The following TNFAIP8L3 variants were observed in gnomAD, a reference collection of about 807,000 sequenced individuals.
The protein encoded by TNFAIP8L3 is TNF alpha induced protein 8 like 3, also known as tumor necrosis factor alpha-induced protein 8-like protein 3.
Under a neutral mutation model 11.8 loss-of-function variants are expected in TNFAIP8L3, and 7 were observed. The ratio of observed to expected loss-of-function variants is 0.59; its 90% CI spans 0.34 to 1.11. The LOEUF (loss-of-function observed/expected upper bound fraction) is 1.11, where lower values mean the gene tolerates loss of function less well. Ranked by LOEUF, TNFAIP8L3 falls within the 50% of genes most tolerant of loss-of-function variation. TNFAIP8L3 has a pLI of 0.03. For synonymous variants in TNFAIP8L3, 98 were observed against 103.8 expected (o/e 0.94, Z 0.34); for missense variants, 219 against 258.6 (o/e 0.85, Z 1.05).
intron 1 of TNFAIP8L3, among the ~76,000 whole-genome samples, chr15:51,073,901 A>G (rs534902597): frequency 1.1e-4 from 16 of 152,338 alleles, no homozygotes; most frequent in African/African-American, 3.4e-4. Flanking sequence ...TTAGCAAACA[A>G]TTTCTTTGTA....
chr15:51,059,923 C>T (rs1002887327), intron 1 of TNFAIP8L3, among the ~76,000 whole-genome samples: 5 of 152,216 alleles, frequency 3.3e-5, no homozygotes, highest in African/African-American at 4.8e-5. Flanking sequence ...CAGCGAGCAC[C>T]AGGGGCCTTC....
At chr15:51,103,640 T>G (rs2065569195) in intron 1 of TNFAIP8L3, among the ~76,000 whole-genome samples, 1 of 152,224 alleles carries the variant, frequency 6.6e-6, no homozygotes, top group African/African-American at 2.4e-5. Context: ...ACAGACACAT[T>G]GACACCATAT....
chr15:51,058,223 G>C lies in TNFAIP8L3; in HGVS notation c.273C>G (p.Leu91=). The change falls in exon 2 of 2, where the codon CTC becomes CTG. Residue 91 remains leucine, a synonymous_variant. Transcript: ENST00000637513. ...LIKVAIKIGI[L]YRNNQFSQEE... is the part of the protein sequence containing the mutation. The stretch of plus-strand genomic sequence containing the variant: ...CTTGGCTAAACTGGTTGTTCCGGTA[G>C]AGGATCCCGATTTTGATCGCCACCT... 4 of 1,614,216 alleles carry C rather than the reference G, an allele frequency of 2.5e-6. No individual in the cohort carries two copies. Among genetic ancestry groups the C allele is most frequent in the Non-Finnish European group, 3.4e-6 (4 of 1,180,046 alleles).
At position 51,058,210 on chromosome 15, in the gene TNFAIP8L3, G is replaced by C. The variant is rs767005306; in HGVS notation, c.286C>G (p.Gln96Glu). 4 of 1,614,174 alleles carry C rather than the reference G, an allele frequency of 2.5e-6. No homozygotes were observed. Among genetic ancestry groups the C allele is most frequent in the Non-Finnish European group, 3.4e-6 (4 of 1,180,034 alleles). ...IKIGILYRNN[Q>E]FSQEELVIVE... is the part of the protein sequence containing the mutation. ...ATAACCAGCTCCTCTTGGCTAAACT[G>C]GTTGTTCCGGTAGAGGATCCCGATT... The change falls in exon 2 of 2, where the codon CAG (glutamine) becomes GAG (glutamate). Residue 96 changes from glutamine to glutamate, a missense_variant. Coordinates refer to ENST00000637513, the MANE Select transcript of TNFAIP8L3 (RefSeq NM_001311175.2).
chr15:51,075,885 TAAC>T (rs1193286713), intron 1 of TNFAIP8L3, among the ~76,000 whole-genome samples: 8 of 152,208 alleles, frequency 5.3e-5, no homozygotes, highest in Admixed American at 1.3e-4. Flanking sequence ...TTAGTGAGCT[TAAC>T]AACAACTAGA....
intron 1 of TNFAIP8L3, among the ~76,000 whole-genome samples, chr15:51,070,919 C>T (rs1482457801): frequency 2.7e-5 from 4 of 147,944 alleles, no homozygotes; most frequent in South Asian, 4.3e-4. Context: ...GGCGTAGTGG[C>T]GGGCGCCTGT....
intron 1 of TNFAIP8L3, among the ~76,000 whole-genome samples, chr15:51,091,883 C>T (rs1187816729): frequency 2.0e-5 from 3 of 152,224 alleles, no homozygotes; most frequent in African/African-American, 7.2e-5. Flanking sequence ...AGTATTCTTA[C>T]AACAAATAAT....
chr15:51,085,075 T>A (rs916119634), intron 1 of TNFAIP8L3, among the ~76,000 whole-genome samples: 13 of 152,198 alleles, frequency 8.5e-5, no homozygotes, highest in African/African-American at 2.7e-4. Context: ...CTCTAAAAGT[T>A]GACCCTGTAT....
chr15:51,075,522 C>T (rs895030975), intron 1 of TNFAIP8L3, among the ~76,000 whole-genome samples: 2 of 152,216 alleles, frequency 1.3e-5, no homozygotes, highest in African/African-American at 2.4e-5. Context: ...AATCCTCTCT[C>T]TCTCTGCTGG....
chr15:51,104,896 C>T (rs548822130), intron 1 of TNFAIP8L3: 4 of 1,342,738 alleles, frequency 3.0e-6, no homozygotes, highest in African/African-American at 2.9e-5. Flanking sequence ...TGTGCTGGCC[C>T]TCTTCAGATG....
At chr15:51,098,736 A>C (rs2065530220), upstream of TNFAIP8L3, among the ~76,000 whole-genome samples, 1 of 152,252 alleles carries the variant, frequency 6.6e-6, no homozygotes, top group South Asian at 2.1e-4. Flanking sequence ...TCTTTTGAGA[A>C]GTTTCCTTCT....
chr15:51,066,584 G>A (rs1442669884), intron 1 of TNFAIP8L3, among the ~76,000 whole-genome samples: 2 of 152,162 alleles, frequency 1.3e-5, no homozygotes, highest in Non-Finnish European at 2.9e-5. Flanking sequence ...GGTCAGGAGC[G>A]AGTGGTGAGA....
intron 1 of TNFAIP8L3, among the ~76,000 whole-genome samples, chr15:51,068,909 G>C (rs573504962): frequency 1.3e-5 from 2 of 151,864 alleles, no homozygotes; most frequent in Non-Finnish European, 2.9e-5. Context: ...CTCATGATCC[G>C]CCCCCTCGGC....
chr15:51,105,010 C>G, exon 1 of TNFAIP8L3: 3 of 1,614,154 alleles, frequency 1.9e-6, no homozygotes, highest in Non-Finnish European at 2.5e-6. Context: ...CTGACCAAGT[C>G]CCTTTCCCCT....
chr15:51,064,709 T>G (rs1383148681), intron 1 of TNFAIP8L3: 1 of 152,202 alleles, frequency 6.6e-6, no homozygotes, highest in Non-Finnish European at 1.5e-5. Flanking sequence ...CAGTCCCATT[T>G]GCAAGACTTT....
chr15:51,062,433 T>A (rs1259891464), intron 1 of TNFAIP8L3, among the ~76,000 whole-genome samples: 1 of 152,196 alleles, frequency 6.6e-6, no homozygotes, highest in East Asian at 1.9e-4. Flanking sequence ...CACCATGCCT[T>A]GACCTTAGGT....
intron 1 of TNFAIP8L3, among the ~76,000 whole-genome samples, chr15:51,077,011 C>T (rs1169151283): frequency 2.6e-5 from 4 of 152,188 alleles, no homozygotes; most frequent in Non-Finnish European, 5.9e-5. Flanking sequence ...TCTACTCCCG[C>T]CATTCTTCGT....
intron 1 of TNFAIP8L3, among the ~76,000 whole-genome samples, chr15:51,064,001 A>G (rs544599770): frequency 3.3e-5 from 5 of 152,202 alleles, no homozygotes; most frequent in Admixed American, 6.5e-5. Flanking sequence ...ATTTACCTGC[A>G]AGTAATTTGG....
At chr15:51,086,168 G>A in intron 1 of TNFAIP8L3, among the ~76,000 whole-genome samples, 1 of 152,176 alleles carries the variant, frequency 6.6e-6, no homozygotes, top group Admixed American at 6.5e-5. Flanking sequence ...TTGAAAAAGG[G>A]TGTATTTGAC....
Sources: allele counts gnomAD v4.1 joint callset (sites outside exome capture counted in the v4.1 genomes callset), GRCh38; gene constraint gnomAD v4.1.1; transcripts MANE v1.5; gene names NCBI Gene and HGNC (gene_info 2026-07-23, HGNC 2026-07-21).